Variants in POTEI observed in about 807,000 individuals in gnomAD.
The protein encoded by POTEI is POTE ankyrin domain family member I.
Under a neutral mutation model 43.4 loss-of-function variants are expected in POTEI, and 14 were observed. The observed-to-expected ratio is 0.32, with a 90% CI of 0.21 to 0.50. The LOEUF (loss-of-function observed/expected upper bound fraction) is 0.50. Among genes scored for constraint, POTEI ranks in the 20% least tolerant of loss-of-function variants. POTEI has a pLI of 0.98. For synonymous variants in POTEI, 95 were observed against 297.9 expected, an observed-to-expected ratio of 0.32 and a Z score of 7.01; for missense variants, 235 against 795.4, an observed-to-expected ratio of 0.30 and a Z score of 8.47.
In POTEI at chr2:130,479,766, C is replaced by T. The variant is rs1474967747; in HGVS notation, c.1480+2237G>A. The stretch of plus-strand genomic sequence containing the variant: ...CAAATTTAATCTTGTGACTCCCCTG[C>T]TCAAATTTCTCCAATGAGCCCCTGC... On this transcript the variant is annotated intron_variant, in intron 10 of 14. Transcript: ENST00000451531. Among the ~76,000 whole-genome samples the T allele has an allele frequency of 7.0e-4, 29 of 41,464 alleles. 3 individuals carry two copies. The highest frequency in any genetic ancestry group is 2.6e-3 in the African/African-American group (29 of 11,168). The allele number at this position is 41,464 out of a possible 152,430, so 27.2% of individuals were successfully genotyped here.
In POTEI at chr2:130,463,108, A is replaced by C; in HGVS notation, c.2936T>G (p.Phe979Cys). The part of the protein sequence containing the change: ...MESCGIHETT[F>C]NSIMKSDVDI... Reference sequence around the variant, plus strand: ...CACATCAGACTTCATGATGGAGTTGAAGGTAGTTTCATGGATGCCACAGGA... The same window carrying C: ...CACATCAGACTTCATGATGGAGTTGCAGGTAGTTTCATGGATGCCACAGGA... Residue 979 changes from phenylalanine to cysteine, a missense_variant, in exon 15 of 15, where the codon TTC becomes TGC. Phe to Cys is a radical substitution (Grantham distance 205). Transcript: ENST00000451531. 1 of 1,498,542 alleles carries C rather than the reference A, an allele frequency of 6.7e-7. No individual in the cohort carries two copies. Among genetic ancestry groups the C allele is most frequent in the Non-Finnish European group, 8.9e-7 (1 of 1,129,808 alleles). 92.8% of individuals were successfully genotyped at this position (1,498,542 alleles called of 1,614,324 possible). A position where few individuals can be genotyped will look rare whatever the true frequency, so the allele number is the denominator to read the frequency against.
At chr2:130,483,599 G>GTTTTTT (rs1319437395) in intron 9 of POTEI, among the ~76,000 whole-genome samples, 1,878 of 29,112 alleles carry the variant, frequency 0.065, 174 homozygotes, top group Non-Finnish European at 0.092. Flanking sequence ...TGTCAAACTT[G>GTTTTTT]TTTTTTTTTT....
intron 6 of POTEI, among the ~76,000 whole-genome samples, chr2:130,491,503 C>T (rs1490355436): frequency 1.5e-5 from 2 of 131,928 alleles, no homozygotes; most frequent in African/African-American, 5.4e-5. Context: ...CTGTTTCACC[C>T]ACTTGGTCTC....
intron 13 of POTEI, among the ~76,000 whole-genome samples, chr2:130,468,704 G>GTGT (rs780514042): frequency 1.3e-5 from 1 of 76,154 alleles, no homozygotes; most frequent in African/African-American, 8.0e-5. Context: ...CCAAACTATT[G>GTGT]GGGGGGGGGG....
At chr2:130,484,614 T>C (rs1180209213) in intron 9 of POTEI, among the ~76,000 whole-genome samples, 43 of 87,708 alleles carry the variant, frequency 4.9e-4, no homozygotes, top group Non-Finnish European at 9.0e-4. Flanking sequence ...TAGGGGTAGA[T>C]ACGGGATGGC....
In POTEI at chr2:130,494,059, C is replaced by T. The variant is rs528681256; in HGVS notation, c.1126+2493G>A. On this transcript the variant is annotated intron_variant, in intron 6 of 14. Coordinates refer to ENST00000451531, the MANE Select transcript of POTEI (RefSeq NM_001277406.2). ...TCCATCAATCCCAGCAAACTATAGG[C>T]CACAGGCCAAATCCAATCTGCATTA... Among the ~76,000 whole-genome samples the T allele has an allele frequency of 5.8e-3, 246 of 42,374 alleles. 89 individuals carry two copies. Among genetic ancestry groups the T allele is most frequent in the African/African-American group, 0.013 (234 of 17,636 alleles). 27.8% of individuals were successfully genotyped at this position (42,374 alleles called of 152,430 possible).
chr2:130,494,989 C>G (rs1439673828), intron 6 of POTEI, among the ~76,000 whole-genome samples: 1,536 of 92,470 alleles, frequency 0.017, 1 homozygote, highest in African/African-American at 0.044. Flanking sequence ...CATGTTCACT[C>G]AAGCATCTTG....
chr2:130,508,845 G>A lies in POTEI; in HGVS notation c.391C>T (p.Pro131Ser). Residue 131 changes from proline (P) to serine (S), a missense_variant, in exon 1 of 15, where the codon CCG becomes TCG. Transcript: ENST00000451531. Reference sequence around the variant, plus strand: ...TCTTCTCGACGGACGTGGTATCTCGGCTCCACGAAGGCGCTGTCGTCGTAG... The same window carrying A: ...TCTTCTCGACGGACGTGGTATCTCGACTCCACGAAGGCGCTGTCGTCGTAG... ...GDYDDSAFVE[P>S]RYHVRREDLD... 1 of 1,559,842 alleles carries A rather than the reference G, an allele frequency of 6.4e-7. No individual in the cohort carries two copies. Among genetic ancestry groups the A allele is most frequent in the Non-Finnish European group, 8.6e-7 (1 of 1,158,680 alleles).
At chr2:130,477,482 A>G (rs1472007993) in intron 10 of POTEI, among the ~76,000 whole-genome samples, 3 of 150,554 alleles carry the variant, frequency 2.0e-5, no homozygotes, top group Non-Finnish European at 4.4e-5. Flanking sequence ...GTCTTCCTTG[A>G]TTTTGCATGT....
At chr2:130,470,657 A>G (rs1683019610) in intron 13 of POTEI, among the ~76,000 whole-genome samples, 1 of 7,220 alleles carries the variant, frequency 1.4e-4, no homozygotes, top group African/African-American at 1.5e-4. Context: ...CCTTTCTGTT[A>G]GTCCTCATTA....
At chr2:130,477,218 T>A (rs571150172) in intron 10 of POTEI, among the ~76,000 whole-genome samples, 2 of 149,482 alleles carry the variant, frequency 1.3e-5, no homozygotes, top group African/African-American at 2.5e-5. Context: ...TGCAGTGGCA[T>A]GATCAGCTCA....
At chr2:130,491,742 A>T (rs1236395175) in intron 6 of POTEI, among the ~76,000 whole-genome samples, 5 of 100,740 alleles carry the variant, frequency 5.0e-5, no homozygotes, top group African/African-American at 1.6e-4. Flanking sequence ...AACCTCTGAC[A>T]CTCCCTGGTT....
rs1558875140 is a variant in POTEI, at chr2:130,460,522, G to C, written c.*2294C>G. ...AGAGACAGCCATCCCTGACCTCTGGGCTCCACATCACCTGACTTGCTGCTC... is the reference window on the plus strand; with the variant it reads ...AGAGACAGCCATCCCTGACCTCTGGCCTCCACATCACCTGACTTGCTGCTC... On this transcript the variant is annotated 3_prime_UTR_variant, in exon 15 of 15. Coordinates refer to ENST00000451531, the MANE Select transcript of POTEI (RefSeq NM_001277406.2). 6.7e-6 allele frequency: 1 copy of C among 150,188 alleles called. No homozygotes were observed. Among genetic ancestry groups the C allele is most frequent in the Non-Finnish European group, 1.5e-5 (1 of 67,458 alleles). The allele number at this position is 150,188 out of a possible 1,614,324, so 9.3% of individuals were successfully genotyped here.
chr2:130,508,646 C>T (rs1163290327), intron 1 of POTEI, 69 bp downstream of exon 1: 2 of 684,314 alleles, frequency 2.9e-6, no homozygotes, highest in South Asian at 2.1e-5. Flanking sequence ...TCCCCCTCCT[C>T]CCCCGCCAGG....
intron 9 of POTEI, among the ~76,000 whole-genome samples, chr2:130,482,308 A>C (rs1683415494): frequency 6.9e-6 from 1 of 144,906 alleles, no homozygotes; most frequent in South Asian, 2.1e-4. Context: ...CCAGTAAATT[A>C]ACTTGCATTA....
intron 13 of POTEI, among the ~76,000 whole-genome samples, chr2:130,466,883 TGA>T (rs1407564441): frequency 6.3e-5 from 2 of 31,962 alleles, no homozygotes; most frequent in Non-Finnish European, 6.2e-5. Context: ...ACAACCAAGC[TGA>T]GAGTTCATAT....
At chr2:130,496,830 A>T (rs1483878532) in intron 5 of POTEI, among the ~76,000 whole-genome samples, 12 of 90,310 alleles carry the variant, frequency 1.3e-4, no homozygotes, top group Admixed American at 1.3e-3. Flanking sequence ...AATACTCATA[A>T]ATCAAGGGCA....
At chr2:130,488,542 C>T (rs1324388839) in intron 8 of POTEI, among the ~76,000 whole-genome samples, 2 of 113,700 alleles carry the variant, frequency 1.8e-5, no homozygotes, top group African/African-American at 6.5e-5. Context: ...CATGGGAACA[C>T]GCAAATAAAA....
intron 10 of POTEI, among the ~76,000 whole-genome samples, chr2:130,476,942 A>G (rs1394813666): frequency 1.7e-5 from 2 of 117,812 alleles, no homozygotes; most frequent in Non-Finnish European, 3.3e-5. Flanking sequence ...AAATTCATCC[A>G]CCCAACATCC....
Sources: allele counts gnomAD v4.1 joint callset (sites outside exome capture counted in the v4.1 genomes callset), GRCh38; gene constraint gnomAD v4.1.1; transcripts MANE v1.5; gene names NCBI Gene and HGNC (gene_info 2026-07-23, HGNC 2026-07-21).